ELP3: variants seen among roughly 807,000 people sequenced by gnomAD.
ELP3 encodes the protein elongator complex protein 3.
Under a neutral mutation model 74.9 loss-of-function variants are expected in ELP3, and 56 were observed. The observed-to-expected ratio is 0.75, with a 90% CI of 0.60 to 0.93. The LOEUF is 0.93. Ranked by LOEUF, ELP3 falls within the 40% of genes least tolerant of loss-of-function variation. The pLI is 0.00. For synonymous variants in ELP3, 222 were observed against 239.8 expected (o/e 0.93, Z 0.68); for missense variants, 573 against 686.5 (o/e 0.83, Z 1.85).
chr8:28,181,578 C>T (rs917429248), intron 14 of ELP3, among the ~76,000 whole-genome samples: 2 of 152,224 alleles, frequency 1.3e-5, no homozygotes, highest in Non-Finnish European at 2.9e-5. Flanking sequence ...GACACAGATA[C>T]AGGAGGTGAG....
intron 10 of ELP3, among the ~76,000 whole-genome samples, chr8:28,151,438 C>T (rs1472355424): frequency 1.3e-5 from 2 of 152,136 alleles, no homozygotes; most frequent in Non-Finnish European, 2.9e-5. Context: ...CATGTCTGTT[C>T]CTTATTCTTG....
chr8:28,167,712 C>T (rs1453775718), intron 14 of ELP3, among the ~76,000 whole-genome samples: 1 of 151,332 alleles, frequency 6.6e-6, no homozygotes, highest in East Asian at 2.0e-4. Context: ...TCCTTTTGTA[C>T]TATCTTTGTG....
rs116533017 is a variant in ELP3 at position 28,134,915 on chromosome 8, C to T, written c.906+2511C>T. On this transcript the variant is annotated intron_variant, in intron 9 of 14. Transcript: ENST00000256398. Reference sequence around the variant, plus strand: ...TCCCCAAGTTTATGATGATCTTCAACCAGTTTCTTATGCCTTTTTTTTTTT... The same window carrying T: ...TCCCCAAGTTTATGATGATCTTCAATCAGTTTCTTATGCCTTTTTTTTTTT... 6.6e-3 allele frequency among the ~76,000 whole-genome samples: 994 copies of T among 150,800 alleles called. 6 individuals carry two copies. The highest frequency in any genetic ancestry group is 0.021 in the African/African-American group (851 of 41,276).
chr8:28,123,468 T>G (rs1812451276), intron 7 of ELP3, among the ~76,000 whole-genome samples: 1 of 152,208 alleles, frequency 6.6e-6, no homozygotes, highest in Admixed American at 6.5e-5. Context: ...ACATGCCATG[T>G]GTGTTTGTAA....
chr8:28,136,020 G>A (rs1585689946), intron 9 of ELP3, among the ~76,000 whole-genome samples: 1 of 149,308 alleles, frequency 6.7e-6, no homozygotes. Flanking sequence ...GGAGTGCAGT[G>A]GCACGATCTT....
chr8:28,096,177 G>T (rs1026280573), intron 1 of ELP3, among the ~76,000 whole-genome samples: 1 of 152,188 alleles, frequency 6.6e-6, no homozygotes, highest in African/African-American at 2.4e-5. Context: ...ATCACCCCCA[G>T]ATGGGAGTGT....
At chr8:28,152,195 G>T (rs1813667249) in intron 10 of ELP3, among the ~76,000 whole-genome samples, 1 of 152,156 alleles carries the variant, frequency 6.6e-6, no homozygotes, top group South Asian at 2.1e-4. Context: ...CAGAAGAGTT[G>T]TGACTTTTCA....
chr8:28,174,576 C>G (rs1248150986), intron 14 of ELP3, among the ~76,000 whole-genome samples: 1 of 152,102 alleles, frequency 6.6e-6, no homozygotes, highest in East Asian at 1.9e-4. Context: ...GTTATTGTCA[C>G]AGATTACATC....
intron 2 of ELP3, 87 bp downstream of exon 2, chr8:28,097,405 CA>C: frequency 1.2e-6 from 1 of 812,436 alleles, no homozygotes; most frequent in Non-Finnish European, 1.9e-6. Flanking sequence ...TTTTCCAGCT[CA>C]AGTTTTATTT....
intron 10 of ELP3, among the ~76,000 whole-genome samples, chr8:28,139,057 G>C (rs1462197662): frequency 1.3e-5 from 2 of 152,134 alleles, no homozygotes; most frequent in Non-Finnish European, 2.9e-5. Context: ...GTCCAGAGCA[G>C]GGTGAGAAGG....
chr8:28,167,081 A>G (rs1441285677), intron 14 of ELP3, among the ~76,000 whole-genome samples: 1 of 152,250 alleles, frequency 6.6e-6, no homozygotes, highest in Non-Finnish European at 1.5e-5. Flanking sequence ...CACTGAAGTC[A>G]GAGACTGATA....
At chr8:28,140,114 T>TTGTGTGTG (rs56981709) in intron 10 of ELP3, among the ~76,000 whole-genome samples, 350 of 143,784 alleles carry the variant, frequency 2.4e-3, no homozygotes, top group African/African-American at 4.8e-3. Flanking sequence ...TGTACATATT[T>TTGTGTGTG]TGTGTGTGTG....
At chr8:28,144,261 T>TA (rs904314450) in intron 10 of ELP3, among the ~76,000 whole-genome samples, 1 of 152,198 alleles carries the variant, frequency 6.6e-6, no homozygotes, top group Non-Finnish European at 1.5e-5. Flanking sequence ...ACTTAGCACA[T>TA]AATAACAATC....
chr8:28,181,851 G>T (rs1438766578), intron 14 of ELP3, among the ~76,000 whole-genome samples: 1 of 152,196 alleles, frequency 6.6e-6, no homozygotes, highest in East Asian at 1.9e-4. Context: ...TTGCAATCTT[G>T]TTACATTTTA....
At chr8:28,122,629 AC>A (rs34954348) in intron 7 of ELP3, among the ~76,000 whole-genome samples, 1 of 151,872 alleles carries the variant, frequency 6.6e-6, no homozygotes, top group Non-Finnish European at 1.5e-5. Context: ...CTTAGTGATC[AC>A]CCCTGTTTCA....
intron 7 of ELP3, among the ~76,000 whole-genome samples, chr8:28,128,580 G>A (rs1025627188): frequency 7.2e-5 from 11 of 152,336 alleles, no homozygotes; most frequent in Non-Finnish European, 1.5e-4. Context: ...GGACTTTGAA[G>A]TCAGGTGGAC....
intron 7 of ELP3, among the ~76,000 whole-genome samples, chr8:28,116,039 A>G (rs181691412): frequency 1.7e-3 from 261 of 152,348 alleles, no homozygotes; most frequent in African/African-American, 5.9e-3. Flanking sequence ...TTCTTGGCAC[A>G]TAGTAAGCAC....
chr8:28,128,453 GC>G (rs1812666282), intron 7 of ELP3, among the ~76,000 whole-genome samples: 1 of 152,162 alleles, frequency 6.6e-6, no homozygotes, highest in South Asian at 2.1e-4. Flanking sequence ...TACAGCCTGG[GC>G]AACACAGTGA....
intron 3 of ELP3, among the ~76,000 whole-genome samples, chr8:28,105,089 G>A (rs887069365): frequency 1.3e-5 from 2 of 152,070 alleles, no homozygotes; most frequent in Admixed American, 1.3e-4. Context: ...ACAATAAAAT[G>A]TTCCAGGCTT....
Sources: allele counts gnomAD v4.1 joint callset (sites outside exome capture counted in the v4.1 genomes callset), GRCh38; gene constraint gnomAD v4.1.1; transcripts MANE v1.5; gene names NCBI Gene and HGNC (gene_info 2026-07-23, HGNC 2026-07-21).